The following CSMD2 variants were observed in gnomAD, a reference collection of about 807,000 sequenced individuals.
The protein encoded by CSMD2 is CUB and Sushi multiple domains 2.
In CSMD2, 130 loss-of-function variants were observed where a neutral mutation model predicts 398.5. That is an observed-to-expected ratio of 0.33 (90% CI 0.28 to 0.38). CSMD2 has a LOEUF of 0.38. Ranked by LOEUF, CSMD2 falls within the 10% of genes least tolerant of loss-of-function variation. The pLI is 1.00. For missense variants in CSMD2, 3,829 were observed against 4,764.9 expected (o/e 0.80, Z 5.78); for synonymous variants, 1,828 against 1,908.5 (o/e 0.96, Z 1.10).
intron 3 of CSMD2, among the ~76,000 whole-genome samples, chr1:33,976,025 C>T (rs568447328): frequency 1.3e-5 from 2 of 152,332 alleles, no homozygotes; most frequent in Admixed American, 6.5e-5. Flanking sequence ...GTTATATCCT[C>T]ACATATTTCA....
intron 4 of CSMD2, among the ~76,000 whole-genome samples, chr1:33,930,308 C>T (rs981472481): frequency 6.6e-6 from 1 of 152,180 alleles, no homozygotes; most frequent in Non-Finnish European, 1.5e-5. Context: ...CTGGCAACCA[C>T]ACAGCTAGGG....
At chr1:33,847,924 C>T (rs1638397719) in intron 5 of CSMD2, among the ~76,000 whole-genome samples, 2 of 152,290 alleles carry the variant, frequency 1.3e-5, no homozygotes, top group East Asian at 3.9e-4. Flanking sequence ...TCAGTAACGG[C>T]AGCTGCTGTT....
rs1429359278 is a variant in CSMD2 at position 33,518,395 on chromosome 1, G to A, written c.*53+1070C>T. Among the ~76,000 whole-genome samples the A allele has an allele frequency of 1.3e-5, 2 of 152,090 alleles. No individual in the cohort carries two copies. The highest frequency in any genetic ancestry group is 1.5e-5 in the Non-Finnish European group (1 of 68,016). ...CCTGTGTGCATGTATGCGTATGTGT[G>A]TGTGTGTGTGTGCATGACCGTGTAC... On this transcript the variant is annotated intron_variant, in intron 70 of 70. Transcript: ENST00000373381. The surrounding 1 kb of genome is among the most constrained non-coding windows in gnomAD (Gnocchi z 4.3).
chr1:33,591,014 G>C (rs1194843541), intron 44 of CSMD2, among the ~76,000 whole-genome samples: 1 of 98,688 alleles, frequency 1.0e-5, no homozygotes, highest in Non-Finnish European at 2.1e-5. Context: ...TTGAGATGGA[G>C]TTTTGCTCTT....
At chr1:33,920,892 C>T (rs1643913904) in intron 4 of CSMD2, among the ~76,000 whole-genome samples, 1 of 152,168 alleles carries the variant, frequency 6.6e-6, no homozygotes, top group South Asian at 2.1e-4. Flanking sequence ...TCATTTCCAA[C>T]ACTGAGCTGG....
intron 2 of CSMD2, among the ~76,000 whole-genome samples, chr1:34,086,036 G>GA (rs1553309620): frequency 7.0e-6 from 1 of 142,948 alleles, no homozygotes; most frequent in African/African-American, 2.7e-5. Context: ...AAAAAAAAAA[G>GA]AAAGAAAGAA....
At chr1:33,788,875 C>A (rs377185298) in intron 11 of CSMD2, among the ~76,000 whole-genome samples, 163 bp from the exon 12 acceptor site, 1 of 152,156 alleles carries the variant, frequency 6.6e-6, no homozygotes, top group Admixed American at 6.5e-5. Flanking sequence ...AGCATGCTCT[C>A]CCTGTGCTGG....
intron 55 of CSMD2, among the ~76,000 whole-genome samples, chr1:33,557,513 A>C (rs762642515): frequency 2.0e-5 from 3 of 152,194 alleles, no homozygotes; most frequent in Non-Finnish European, 4.4e-5. Flanking sequence ...AAGTGAGAAC[A>C]CAAAAATTGG....
intron 1 of CSMD2, among the ~76,000 whole-genome samples, chr1:34,138,006 G>A (rs1227659809): frequency 1.3e-5 from 2 of 152,172 alleles, no homozygotes; most frequent in Non-Finnish European, 2.9e-5. Context: ...CCAAGTAGGG[G>A]AAACCAGAAT....
At chr1:34,070,823 TG>T (rs1655662452) in intron 2 of CSMD2, among the ~76,000 whole-genome samples, 1 of 152,140 alleles carries the variant, frequency 6.6e-6, no homozygotes, top group Non-Finnish European at 1.5e-5. Context: ...CTCTTATAAC[TG>T]AAATCCAGCT....
At chr1:33,669,948 C>T (rs977155110) in intron 25 of CSMD2, among the ~76,000 whole-genome samples, 5 of 152,202 alleles carry the variant, frequency 3.3e-5, no homozygotes, top group African/African-American at 1.2e-4. Flanking sequence ...GAGACAGATT[C>T]TTCCCCAGTA....
intron 23 of CSMD2, 87 bp from the exon 24 acceptor site, chr1:33,699,031 A>G: frequency 8.3e-7 from 1 of 1,207,400 alleles, no homozygotes; most frequent in East Asian, 2.5e-5. Context: ...CACGTCCTCA[A>G]GGAAGCTGTC....
At position 33,634,283 on chromosome 1, in the gene CSMD2, T is replaced by G. The variant is rs554117080; in HGVS notation, c.5087-748A>C. ...AACATGTCTCTCTCATCTCTGCAAC[T>G]CCAGGACCCAGTAAAGTGCGTGGCC... On this transcript the variant is annotated intron_variant, in intron 31 of 70. Coordinates refer to ENST00000373381, the MANE Select transcript of CSMD2 (RefSeq NM_001281956.2). Among the ~76,000 whole-genome samples the G allele has an allele frequency of 8.8e-4, 134 of 152,268 alleles. 1 individual carries two copies. The highest frequency in any genetic ancestry group is 1.6e-3 in the Admixed American group (24 of 15,302).
rs140158862 is a variant in CSMD2 at position 33,590,728 on chromosome 1, A to C, written c.6857-3560T>G. Among the ~76,000 whole-genome samples the C allele has an allele frequency of 6.2e-3, 941 of 151,998 alleles. 8 individuals carry two copies. The highest frequency in any genetic ancestry group is 0.022 in the African/African-American group (892 of 41,470). The stretch of plus-strand genomic sequence containing the variant: ...GGGGACATTCAAGGCAGACTCTTCC[A>C]TTTCATTTTGTGAATACCCTTCTTC... On this transcript the variant is annotated intron_variant, in intron 44 of 70. Transcript: ENST00000373381.
chr1:33,942,255 C>T (rs1644699353), intron 3 of CSMD2, among the ~76,000 whole-genome samples: 1 of 152,224 alleles, frequency 6.6e-6, no homozygotes, highest in African/African-American at 2.4e-5. Context: ...CACATTTCTG[C>T]CTGCAATAGG....
At position 34,089,087 on chromosome 1, in the gene CSMD2, C is replaced by T. The variant is rs145659443; in HGVS notation, c.294G>A (p.Ala98=). Residue 98 remains alanine, a synonymous_variant, in exon 2 of 71, where the codon GCG becomes GCA. Transcript: ENST00000373381. ...CAAGCTGGATTCTGTGCTGCTCTTCCGCGGTGATGGTCCACGTGCAGTTGG... is the reference window on the plus strand; with the variant it reads ...CAAGCTGGATTCTGTGCTGCTCTTCTGCGGTGATGGTCCACGTGCAGTTGG... ...NYANCTWTIT[A]EEQHRIQLVF... 2.0e-5 allele frequency: 32 copies of T among 1,614,056 alleles called. No homozygotes were observed. The highest frequency in any genetic ancestry group is 1.7e-4 in the African/African-American group (13 of 74,914).
intron 53 of CSMD2, among the ~76,000 whole-genome samples, chr1:33,566,564 C>T (rs1309947833): frequency 6.6e-6 from 1 of 152,082 alleles, no homozygotes; most frequent in Non-Finnish European, 1.5e-5. Context: ...ACAAGAATCA[C>T]ACCTAAGAGA....
chr1:33,922,011 A>G (rs1371436350), intron 4 of CSMD2, among the ~76,000 whole-genome samples: 1 of 152,120 alleles, frequency 6.6e-6, no homozygotes, highest in East Asian at 1.9e-4. Context: ...GAGAGGGTGA[A>G]GTCTCCAACA....
chr1:33,988,663 C>A (rs1646442082), intron 3 of CSMD2, among the ~76,000 whole-genome samples: 1 of 151,800 alleles, frequency 6.6e-6, no homozygotes, highest in South Asian at 2.1e-4. Context: ...TGATGCCCAG[C>A]AATTAAAACA....
Sources: allele counts gnomAD v4.1 joint callset (sites outside exome capture counted in the v4.1 genomes callset), GRCh38; gene constraint gnomAD v4.1.1; non-coding constraint Gnocchi (gnomAD v3.1); transcripts MANE v1.5; gene names NCBI Gene and HGNC (gene_info 2026-07-23, HGNC 2026-07-21).